CATSPER4: variants seen among roughly 807,000 people sequenced by gnomAD.
The protein encoded by CATSPER4 is cation channel sperm-associated protein 4.
A neutral mutation model predicts 54.4 loss-of-function variants in CATSPER4; 46 were observed. That is an observed-to-expected ratio of 0.84 (90% CI 0.67 to 1.08). CATSPER4 has a LOEUF of 1.08. Among genes scored for constraint, CATSPER4 ranks in the 50% least tolerant of loss-of-function variants. The probability of loss-of-function intolerance (pLI) is 0.00; values close to 1 mark genes in which losing one functional copy is unlikely to be tolerated. For missense variants in CATSPER4, 574 were observed against 612.8 expected, an observed-to-expected ratio of 0.94 and a Z score of 0.67; for synonymous variants, 230 against 231.9, an observed-to-expected ratio of 0.99 and a Z score of 0.08.
chr1:26,201,777 C>A (rs1293786923), intron 9 of CATSPER4, among the ~76,000 whole-genome samples: 5 of 144,216 alleles, frequency 3.5e-5, no homozygotes, highest in Admixed American at 7.3e-5. Context: ...GCCACCTCTG[C>A]GGCCTGGGTT....
In CATSPER4 at chr1:26,202,684, G is replaced by A. The variant is rs2089020920; in HGVS notation, c.*142G>A. On this transcript the variant is annotated 3_prime_UTR_variant, in exon 10 of 10. Transcript: ENST00000456354. ...GGCAGAGGCCAGGGGCTGTGAAGGT[G>A]GCAGCACCTGCAGGTCTGGTGCCTG... is the stretch of plus-strand genomic sequence containing the variant. 2.6e-6 allele frequency: 2 copies of A among 772,398 alleles called. No individual in the cohort carries two copies. The highest frequency in any genetic ancestry group is 4.3e-5 in the Admixed American group (2 of 46,586). The allele number at this position is 772,398 out of a possible 1,614,324, so 47.8% of individuals were successfully genotyped here. A position where few individuals can be genotyped will look rare whatever the true frequency, so the allele number is the denominator to read the frequency against.
Position 26,198,062 on chromosome 1 carries a change from C to G in CATSPER4, c.663C>G (p.Ile221Met), listed in dbSNP as rs1209302585. The G allele has an allele frequency of 6.2e-7, 1 of 1,614,082 alleles. No homozygotes were observed. Among genetic ancestry groups the G allele is most frequent in the East Asian group, 2.2e-5 (1 of 44,868 alleles). The change falls in exon 5 of 10, where the codon ATC becomes ATG. Residue 221 changes from isoleucine to methionine, a missense_variant. Physicochemically the swap from Ile to Met is conservative, Grantham distance 10 (BLOSUM62 1). Coordinates refer to ENST00000456354, the MANE Select transcript of CATSPER4 (RefSeq NM_198137.2). The stretch of plus-strand genomic sequence containing the variant: ...ACATGGCCAATATCATGGTCCTCAT[C>G]CTCTTCTTCATGCTGGTCAGTGCCT... ...VPDMANIMVL[I>M]LFFMLVFSVF...
rs531829467 is a variant in CATSPER4, at chr1:26,191,482, G to T, written c.357+52G>T. On this transcript the variant is annotated intron_variant, in intron 2 of 9. Coordinates refer to ENST00000456354, the MANE Select transcript of CATSPER4 (RefSeq NM_198137.2). ...CACTAACCCTAATGGGGGGCCTGGG[G>T]CAAGAACTCTTCCGGCCTCAGGCTC... is the stretch of plus-strand genomic sequence containing the variant. The T allele has an allele frequency of 1.7e-5, 27 of 1,601,108 alleles. No individual in the cohort carries two copies. The African/African-American group carries it at 2.5e-4, about 15-fold the overall frequency.
rs984068765 is a variant in CATSPER4, at chr1:26,195,083, CA to C, written c.459+1204del. ...TGGGCGACAGAGAGAGATTCTGTTT[CA>C]AAAAAAAAGTTTTCTTTTTGAATAT... On this transcript the variant is annotated intron_variant, in intron 3 of 9. Coordinates refer to ENST00000456354, the MANE Select transcript of CATSPER4 (RefSeq NM_198137.2). 9.3e-5 allele frequency among the ~76,000 whole-genome samples: 14 copies of C among 151,286 alleles called. No homozygotes were observed. The East Asian group carries it at 1.4e-3, about 15-fold the overall frequency.
chr1:26,197,241 T>A (rs2088953149), intron 3 of CATSPER4, among the ~76,000 whole-genome samples: 1 of 152,220 alleles, frequency 6.6e-6, no homozygotes, highest in Non-Finnish European at 1.5e-5. Flanking sequence ...GAGAGCTATT[T>A]CACCTCAGAA....
In CATSPER4 at chr1:26,202,805, G is replaced by C; in HGVS notation, c.*263G>C. The C allele has an allele frequency of 5.5e-6, 3 of 542,758 alleles. No individual in the cohort carries two copies. The highest frequency in any genetic ancestry group is 1.0e-5 in the Non-Finnish European group (3 of 301,406). 33.6% of individuals were successfully genotyped at this position (542,758 alleles called of 1,614,324 possible). A position where few individuals can be genotyped will look rare whatever the true frequency, so the allele number is the denominator to read the frequency against. On this transcript the variant is annotated 3_prime_UTR_variant, in exon 10 of 10. Coordinates refer to ENST00000456354, the MANE Select transcript of CATSPER4 (RefSeq NM_198137.2). ...AGGATGAGCACAGAAGGGGGTGCTG[G>C]CCAACGCAGCCAGGATTTGACCTAA...
At chr1:26,191,979 C>T (rs4659412) in intron 2 of CATSPER4, among the ~76,000 whole-genome samples, 29,036 of 151,692 alleles carry the variant, frequency 0.19, 3,084 homozygotes, top group Middle Eastern at 0.27. Context: ...TCTCAGTCAC[C>T]ACAACAAAGA....
rs781511663 is a variant in CATSPER4, at chr1:26,201,467, G to C, written c.1313G>C (p.Arg438Pro). The C allele has an allele frequency of 6.2e-7, 1 of 1,613,976 alleles. No homozygotes were observed. Among genetic ancestry groups the C allele is most frequent in the Admixed American group, 1.7e-5 (1 of 60,024 alleles). The change falls in exon 9 of 10, where the codon CGC becomes CCC. Residue 438 changes from arginine (R) to proline (P), a missense_variant. Arg to Pro is a moderately radical substitution (Grantham distance 103). Coordinates refer to ENST00000456354, the MANE Select transcript of CATSPER4 (RefSeq NM_198137.2). The part of the protein sequence containing the change: ...SLETTSSKDI[R>P]QMSQQQDLLS... ...GAGACTACGTCATCCAAGGACATCC[G>C]CCAGATGTCTCAACAGCAAGACTTG...
At position 26,198,276 on chromosome 1, in the gene CATSPER4, T is replaced by C. The variant is rs2088966348; in HGVS notation, c.679-10T>C. 6.2e-7 allele frequency: 1 copy of C among 1,614,098 alleles called. No individual in the cohort carries two copies. On this transcript the variant is annotated splice_polypyrimidine_tract_variant and intron_variant, in intron 5 of 9. Coordinates refer to ENST00000456354, the MANE Select transcript of CATSPER4 (RefSeq NM_198137.2). ...GTGAAGTCGGGGTGGGGCTCTTTTCTCTCTGACAGGTTTTTTCCGTGTTTG... is the reference window on the plus strand; with the variant it reads ...GTGAAGTCGGGGTGGGGCTCTTTTCCCTCTGACAGGTTTTTTCCGTGTTTG...
chr1:26,200,969 A>G lies in CATSPER4; in HGVS notation c.1127A>G (p.Asn376Ser). The change falls in exon 8 of 10, where the codon AAC (asparagine) becomes AGC (serine). Residue 376 changes from asparagine (N) to serine (S), a missense_variant. Asn to Ser is a conservative substitution (Grantham distance 46). Transcript: ENST00000456354. ...LSNLSENTCDNFCLVLEAIQE... is the reference protein window; with the variant it reads ...LSNLSENTCDSFCLVLEAIQE... ...AACCTCTCAGAAAACACGTGTGACA[A>G]CTTTTGCTTGGTGCTTGAGGCAATA... The G allele has an allele frequency of 6.2e-7, 1 of 1,614,132 alleles. No individual in the cohort carries two copies. The highest frequency in any genetic ancestry group is 8.5e-7 in the Non-Finnish European group (1 of 1,180,036).
At position 26,202,904 on chromosome 1, in the gene CATSPER4, A is replaced by T. The variant is rs1416746346; in HGVS notation, c.*362A>T. The T allele has an allele frequency of 1.2e-5, 4 of 346,594 alleles. No individual in the cohort carries two copies. In the Admixed American group the frequency reaches 1.7e-4, roughly 15 times the overall value. 21.5% of individuals were successfully genotyped at this position (346,594 alleles called of 1,614,324 possible). On this transcript the variant is annotated 3_prime_UTR_variant, in exon 10 of 10. Transcript: ENST00000456354. ...CTCAGTGGGCCCCAGAACCAAGAAG[A>T]GAAAGGCAAGGCCAGTGGGGCCAGA...
chr1:26,193,934 C>A, intron 3 of CATSPER4, 46 bp downstream of exon 3: 2 of 1,283,264 alleles, frequency 1.6e-6, no homozygotes, highest in Non-Finnish European at 2.3e-6. Context: ...GGGGACTGCA[C>A]ACCACCCAGT....
At position 26,190,620 on chromosome 1, in the gene CATSPER4, G is replaced by A. The variant is rs185604520; in HGVS notation, c.-8G>A. 4.0e-5 allele frequency: 64 copies of A among 1,598,626 alleles called. No individual in the cohort carries two copies. In the African/African-American group the frequency reaches 7.6e-4, roughly 19 times the overall value. ...ATTCTTTGAGGAGAAGGAAGAGACT[G>A]AGCAAACATGAGGGATAATGAAAAG... On this transcript the variant is annotated 5_prime_UTR_variant, in exon 1 of 10. Coordinates refer to ENST00000456354, the MANE Select transcript of CATSPER4 (RefSeq NM_198137.2).
At position 26,201,180 on chromosome 1, in the gene CATSPER4, G is replaced by C. The variant is rs2089003517; in HGVS notation, c.1199+139G>C. 4 of 951,356 alleles carry C rather than the reference G, an allele frequency of 4.2e-6. No individual in the cohort carries two copies. In the East Asian group the frequency reaches 1.0e-4, roughly 24 times the overall value. The allele number at this position is 951,356 out of a possible 1,614,324, so 58.9% of individuals were successfully genotyped here. Reference sequence around the variant, plus strand: ...AGAGGTCCCCCACCCTATTGGTGGAGGAACTGGAATCCAGACTCCAGGTTC... The same window carrying C: ...AGAGGTCCCCCACCCTATTGGTGGACGAACTGGAATCCAGACTCCAGGTTC... On this transcript the variant is annotated intron_variant, in intron 8 of 9. Coordinates refer to ENST00000456354, the MANE Select transcript of CATSPER4 (RefSeq NM_198137.2).
At chr1:26,195,540 G>A (rs1209744983) in intron 3 of CATSPER4, among the ~76,000 whole-genome samples, 3 of 145,650 alleles carry the variant, frequency 2.1e-5, no homozygotes, top group Admixed American at 1.4e-4. Flanking sequence ...TCGCTCTGTC[G>A]CCTGGGCTGG....
intron 6 of CATSPER4, among the ~76,000 whole-genome samples, chr1:26,199,431 CAA>C (rs557579569): frequency 0.22 from 21,884 of 101,014 alleles, 1,813 homozygotes; most frequent in Middle Eastern, 0.35. Flanking sequence ...GACTCTGTCT[CAA>C]AAAAAAAAAA....
rs113968986 is a variant in CATSPER4, at chr1:26,193,785, A to G, written c.358-2A>G. 1.2e-6 allele frequency: 2 copies of G among 1,606,328 alleles called. No homozygotes were observed. Among genetic ancestry groups the G allele is most frequent in the Non-Finnish European group, 8.5e-7 (1 of 1,172,884 alleles). ...CCTCTTTTTTCTCTGTCTCCCATGTAGAAACACTATGAGTTGTTCTCTACC... is the reference window on the plus strand; with the variant it reads ...CCTCTTTTTTCTCTGTCTCCCATGTGGAAACACTATGAGTTGTTCTCTACC... On this transcript the variant is annotated splice_acceptor_variant, in intron 2 of 9. Transcript: ENST00000456354. LOFTEE classifies it high-confidence loss of function.
chr1:26,191,505 C>A, intron 2 of CATSPER4, 75 bp downstream of exon 2: 1 of 1,524,560 alleles, frequency 6.6e-7, no homozygotes, highest in Non-Finnish European at 9.0e-7. Context: ...CGGCCTCAGG[C>A]TCCTCATCTG....
chr1:26,196,144 CTT>C (rs376569258), intron 3 of CATSPER4, among the ~76,000 whole-genome samples: 9 of 125,282 alleles, frequency 7.2e-5, no homozygotes, highest in Admixed American at 3.4e-4. Context: ...CTTTCTTTTC[CTT>C]TTTTTTTTTT....
Sources: allele counts gnomAD v4.1 joint callset (sites outside exome capture counted in the v4.1 genomes callset), GRCh38; gene constraint gnomAD v4.1.1; transcripts MANE v1.5; gene names NCBI Gene and HGNC (gene_info 2026-07-23, HGNC 2026-07-21).